TAFA1: variants seen among roughly 807,000 people sequenced by gnomAD.
The protein encoded by TAFA1 is chemokine-like protein TAFA-1.
Under a neutral mutation model 18.5 loss-of-function variants are expected in TAFA1, and 4 were observed. The ratio of observed to expected loss-of-function variants is 0.22; its 90% CI spans 0.11 to 0.49. TAFA1 has a LOEUF of 0.49. Among genes scored for constraint, TAFA1 ranks in the 20% least tolerant of loss-of-function variants. TAFA1 has a pLI of 0.98. For synonymous variants in TAFA1, 56 were observed against 55.2 expected (o/e 1.01, Z -0.06); for missense variants, 147 against 169.0 (o/e 0.87, Z 0.72).
intron 2 of TAFA1, among the ~76,000 whole-genome samples, chr3:68,101,236 G>A (rs2065144060): frequency 6.6e-6 from 1 of 151,606 alleles, no homozygotes; most frequent in South Asian, 2.1e-4. Flanking sequence ...AGGTAGGTGT[G>A]ATTTCAAAGG....
intron 3 of TAFA1, among the ~76,000 whole-genome samples, chr3:68,501,334 G>T (rs1037293300): frequency 1.3e-5 from 2 of 151,978 alleles, no homozygotes; most frequent in African/African-American, 4.8e-5. Flanking sequence ...GTGAATGCAG[G>T]TCATAACCGA....
chr3:68,350,226 C>G (rs1405529395), intron 2 of TAFA1, among the ~76,000 whole-genome samples: 2 of 152,048 alleles, frequency 1.3e-5, no homozygotes, highest in East Asian at 1.9e-4. Flanking sequence ...GCATATAATC[C>G]CTGCTCTAGA....
At chr3:68,539,371 A>G (rs1483625993) in intron 4 of TAFA1, among the ~76,000 whole-genome samples, 1 of 151,970 alleles carries the variant, frequency 6.6e-6, no homozygotes, top group East Asian at 2.0e-4. Flanking sequence ...CTTTGGTTAA[A>G]TCAGGAGTGA....
intron 2 of TAFA1, among the ~76,000 whole-genome samples, chr3:68,131,674 G>T (rs909232641): frequency 6.6e-6 from 1 of 152,206 alleles, no homozygotes; most frequent in African/African-American, 2.4e-5. Flanking sequence ...GAGGGGCTGG[G>T]CTGCATACAG....
At chr3:68,074,497 C>A (rs1399867912) in intron 2 of TAFA1, among the ~76,000 whole-genome samples, 1 of 152,124 alleles carries the variant, frequency 6.6e-6, no homozygotes, top group African/African-American at 2.4e-5. Flanking sequence ...TTCTTGAAGT[C>A]TCAATTTCCT....
At chr3:68,180,194 G>C (rs2066180044) in intron 2 of TAFA1, among the ~76,000 whole-genome samples, 1 of 25,072 alleles carries the variant, frequency 4.0e-5, no homozygotes, top group South Asian at 2.6e-3. Flanking sequence ...CACCACACCT[G>C]GCTAATTTTT....
chr3:68,389,841 G>A (rs539011627), intron 2 of TAFA1, among the ~76,000 whole-genome samples: 28 of 152,236 alleles, frequency 1.8e-4, no homozygotes, highest in South Asian at 1.2e-3. Context: ...CAGATACTAC[G>A]CTTTTCCCAA....
At chr3:68,041,442 T>C (rs1705163249) in intron 2 of TAFA1, among the ~76,000 whole-genome samples, 1 of 152,242 alleles carries the variant, frequency 6.6e-6, no homozygotes, top group Admixed American at 6.5e-5. Flanking sequence ...TATAGACTAT[T>C]TCATGCATCT....
intron 2 of TAFA1, among the ~76,000 whole-genome samples, chr3:68,278,882 T>C (rs1471087167): frequency 6.6e-6 from 1 of 152,114 alleles, no homozygotes; most frequent in African/African-American, 2.4e-5. Flanking sequence ...CCACACACCA[T>C]GGTTTGTTAG....
intron 2 of TAFA1, among the ~76,000 whole-genome samples, chr3:68,098,235 C>T (rs2065109805): frequency 6.6e-6 from 1 of 151,636 alleles, no homozygotes; most frequent in South Asian, 2.1e-4. Context: ...CCTCTCAACT[C>T]GAGATATTTT....
chr3:68,463,688 C>T (rs1372202664), intron 3 of TAFA1, among the ~76,000 whole-genome samples: 2 of 152,140 alleles, frequency 1.3e-5, no homozygotes, highest in African/African-American at 2.4e-5. Flanking sequence ...CAAGGAGAAG[C>T]TTTGCTAGTT....
intron 2 of TAFA1, among the ~76,000 whole-genome samples, chr3:68,128,880 T>G (rs1406716104): frequency 6.6e-6 from 1 of 152,132 alleles, no homozygotes; most frequent in Non-Finnish European, 1.5e-5. Context: ...TAGAACAAGG[T>G]AGTGCTCCTA....
At position 68,110,995 on chromosome 3, in the gene TAFA1, C is replaced by A. The variant is rs74514422; in HGVS notation, c.118+104251C>A. ...CACAGTAAGAGTTGTTTGAATGCCC[C>A]CCTCCTCCCAAATCTCAATCTCTAA... On this transcript the variant is annotated intron_variant, in intron 2 of 4. Transcript: ENST00000478136. Among the ~76,000 whole-genome samples, 420 of 152,208 alleles carry A rather than the reference C, an allele frequency of 2.8e-3. 3 individuals carry two copies. The highest frequency in any genetic ancestry group is 9.7e-3 in the African/African-American group (403 of 41,548).
At chr3:68,254,571 T>A (rs1301496352) in intron 2 of TAFA1, among the ~76,000 whole-genome samples, 1 of 152,080 alleles carries the variant, frequency 6.6e-6, no homozygotes, top group Non-Finnish European at 1.5e-5. Flanking sequence ...TAAATAATAC[T>A]ACTGGAATCT....
At position 68,017,187 on chromosome 3, in the gene TAFA1, G is replaced by A. The variant is rs560014275; in HGVS notation, c.118+10443G>A. ...AGTACATGTTACTTGGAAGCTTCCC[G>A]GATGGGGGTCTTATTAAAATGAATT... On this transcript the variant is annotated intron_variant, in intron 2 of 4. Transcript: ENST00000478136. 2.6e-5 allele frequency among the ~76,000 whole-genome samples: 4 copies of A among 152,252 alleles called. No individual in the cohort carries two copies. In the South Asian group the frequency reaches 8.3e-4, roughly 32 times the overall value.
At chr3:68,371,000 C>A (rs2069696043) in intron 2 of TAFA1, among the ~76,000 whole-genome samples, 1 of 151,916 alleles carries the variant, frequency 6.6e-6, no homozygotes, top group South Asian at 2.1e-4. Context: ...CCGTAATAAT[C>A]TAGAAATCAC....
intron 3 of TAFA1, among the ~76,000 whole-genome samples, chr3:68,485,664 A>C (rs1173475474): frequency 6.6e-6 from 1 of 152,240 alleles, no homozygotes; most frequent in African/African-American, 2.4e-5. Context: ...CAGTCAATTA[A>C]ATTCAAATGC....
At position 68,034,481 on chromosome 3, in the gene TAFA1, A is replaced by G. The variant is rs146498963; in HGVS notation, c.118+27737A>G. 9.9e-5 allele frequency among the ~76,000 whole-genome samples: 15 copies of G among 152,264 alleles called. No individual in the cohort carries two copies. The East Asian group carries it at 2.7e-3, about 27-fold the overall frequency. ...GTCACACACTTAGCAAGTAAGGGAG[A>G]AGGATTTGAGCCCAAGCAGTCTGAT... is the stretch of plus-strand genomic sequence containing the variant. On this transcript the variant is annotated intron_variant, in intron 2 of 4. Transcript: ENST00000478136.
Position 68,434,288 on chromosome 3 carries a change from C to T in TAFA1, c.259+16868C>T, listed in dbSNP as rs74939023. On this transcript the variant is annotated intron_variant, in intron 3 of 4. Coordinates refer to ENST00000478136, the MANE Select transcript of TAFA1 (RefSeq NM_213609.4). ...TTTTGCAGCAATTAAAGGACTGTTC[C>T]GAGGAAGGCTCAACAATTTCCTCTG... Among the ~76,000 whole-genome samples the T allele has an allele frequency of 3.6e-4, 55 of 152,118 alleles. No homozygotes were observed. The East Asian group carries it at 5.8e-3, about 16-fold the overall frequency.
Sources: gnomAD v4.1 joint callset for allele counts (sites outside exome capture counted in the v4.1 genomes callset) on GRCh38, gnomAD v4.1.1 for gene constraint, MANE v1.5 for transcripts, NCBI Gene and HGNC (gene_info 2026-07-23, HGNC 2026-07-21) for gene names.